The following STIM1 variants were observed in gnomAD, a reference collection of about 807,000 sequenced individuals.
STIM1 encodes the protein stromal interaction molecule 1.
In STIM1, 25 loss-of-function variants were observed where a neutral mutation model predicts 74.7. The observed-to-expected ratio is 0.33, with a 90% CI of 0.24 to 0.47. The LOEUF (loss-of-function observed/expected upper bound fraction) is 0.47, where lower values mean the gene tolerates loss of function less well. STIM1 is among the 20% of genes least tolerant of loss of function. The pLI, the probability that STIM1 is intolerant of heterozygous loss-of-function variation, is 1.00. For synonymous variants in STIM1, 328 were observed against 348.8 expected, an observed-to-expected ratio of 0.94 and a Z score of 0.66; for missense variants, 728 against 920.8, an observed-to-expected ratio of 0.79 and a Z score of 2.71.
chr11:3,863,521 G>A (rs2090724954), intron 1 of STIM1, among the ~76,000 whole-genome samples: 1 of 152,240 alleles, frequency 6.6e-6, no homozygotes, highest in East Asian at 1.9e-4. Context: ...GCTTCCCAAA[G>A]TGCTGGGATT....
At chr11:3,908,135 AG>A (rs2092498372) in intron 1 of STIM1, among the ~76,000 whole-genome samples, 1 of 152,242 alleles carries the variant, frequency 6.6e-6, no homozygotes, top group African/African-American at 2.4e-5. Flanking sequence ...CTAAATCCTC[AG>A]TGCTAGAATA....
At chr11:3,938,561 T>C (rs2092964814) in intron 1 of STIM1, among the ~76,000 whole-genome samples, 1 of 152,132 alleles carries the variant, frequency 6.6e-6, no homozygotes, top group Non-Finnish European at 1.5e-5. Flanking sequence ...AAAATGACAG[T>C]TTAAGGCTGG....
chr11:3,921,941 C>T (rs1444789860), intron 1 of STIM1: 1 of 152,186 alleles, frequency 6.6e-6, no homozygotes, highest in Non-Finnish European at 1.5e-5. Context: ...AGCAAATCCT[C>T]CAGCCCCAGT....
intron 2 of STIM1, among the ~76,000 whole-genome samples, chr11:3,984,734 G>T (rs557610982): frequency 3.3e-5 from 5 of 152,324 alleles, no homozygotes; most frequent in African/African-American, 7.2e-5. Context: ...TCCAAACCTT[G>T]CAATGTACTA....
chr11:3,902,663 A>G (rs1364946695), intron 1 of STIM1, among the ~76,000 whole-genome samples: 3 of 152,236 alleles, frequency 2.0e-5, no homozygotes, highest in South Asian at 2.1e-4. Flanking sequence ...GTTCCTAACA[A>G]GGCACGGACT....
chr11:4,068,265 A>G (rs1356179334), intron 5 of STIM1, among the ~76,000 whole-genome samples: 1 of 152,236 alleles, frequency 6.6e-6, no homozygotes, highest in Non-Finnish European at 1.5e-5. Flanking sequence ...AGGTAGAATA[A>G]GAAACCAAAT....
chr11:4,056,440 C>T (rs185588170), intron 4 of STIM1, among the ~76,000 whole-genome samples: 1 of 152,372 alleles, frequency 6.6e-6, no homozygotes, highest in East Asian at 1.9e-4. Context: ...TGCTCTGTGC[C>T]AAGCACTTGT....
chr11:3,878,962 CT>C lies in STIM1; in HGVS notation c.139+22564del, dbSNP rs1197786291. On this transcript the variant is annotated intron_variant, in intron 1 of 12. Coordinates refer to ENST00000526596, the MANE Select transcript of STIM1 (RefSeq NM_001382567.1). ...TGTTGCTTTCCTCTTCTTCATACCT[CT>C]TTTTTTTTTTGAGACGGAGTCTCGC... 6.2e-4 allele frequency among the ~76,000 whole-genome samples: 92 copies of C among 147,598 alleles called. 1 individual carries two copies. Among genetic ancestry groups the C allele is most frequent in the Admixed American group, 3.5e-3 (52 of 14,796 alleles).
intron 1 of STIM1, among the ~76,000 whole-genome samples, chr11:3,879,998 AAC>A (rs1178069548): frequency 1.2e-4 from 18 of 152,188 alleles, no homozygotes; most frequent in Non-Finnish European, 2.2e-4. Context: ...GAATGGTCAG[AAC>A]ACACTCTCAT....
chr11:4,053,763 C>T (rs767191631), intron 3 of STIM1, among the ~76,000 whole-genome samples: 20 of 151,698 alleles, frequency 1.3e-4, no homozygotes, highest in Non-Finnish European at 1.8e-4. Context: ...AAAAACCAGG[C>T]GACCAAATAG....
At chr11:3,900,708 T>C (rs536681952) in intron 1 of STIM1, among the ~76,000 whole-genome samples, 188 of 152,278 alleles carry the variant, frequency 1.2e-3, no homozygotes, top group African/African-American at 4.3e-3. Flanking sequence ...GCCTCCCAAG[T>C]ATCTGGGACT....
intron 1 of STIM1, among the ~76,000 whole-genome samples, chr11:3,932,506 CA>C (rs1472648295): frequency 2.3e-4 from 35 of 151,860 alleles, no homozygotes; most frequent in African/African-American, 8.4e-4. Flanking sequence ...ATTAAAATTA[CA>C]AAAAATCAGC....
At chr11:3,900,406 C>T (rs2092317432) in intron 1 of STIM1, among the ~76,000 whole-genome samples, 2 of 152,204 alleles carry the variant, frequency 1.3e-5, no homozygotes, top group South Asian at 4.1e-4. Context: ...CAATGCCTCG[C>T]CCTGCTTCGG....
intron 3 of STIM1, among the ~76,000 whole-genome samples, chr11:4,052,269 A>G (rs535667631): frequency 6.6e-6 from 1 of 152,258 alleles, no homozygotes; most frequent in African/African-American, 2.4e-5. Flanking sequence ...TAAAGTTCAT[A>G]TGGAACCAAA....
At chr11:4,064,109 A>G (rs1221643888) in intron 5 of STIM1, among the ~76,000 whole-genome samples, 2 of 152,208 alleles carry the variant, frequency 1.3e-5, no homozygotes, top group African/African-American at 4.8e-5. Context: ...AGAGCTGGGT[A>G]TACTCTTGGA....
chr11:3,976,519 C>T (rs367841400), intron 2 of STIM1, among the ~76,000 whole-genome samples: 7 of 152,232 alleles, frequency 4.6e-5, no homozygotes, highest in South Asian at 4.2e-4. Context: ...TGGAACTATG[C>T]GCCAAAAAGT....
chr11:3,867,626 C>G (rs2090908309), intron 1 of STIM1, among the ~76,000 whole-genome samples: 1 of 152,222 alleles, frequency 6.6e-6, no homozygotes, highest in African/African-American at 2.4e-5. Context: ...ATGCTGAGAA[C>G]TCCAGCCTGA....
intron 2 of STIM1, among the ~76,000 whole-genome samples, chr11:3,980,301 C>T (rs1418545218): frequency 6.6e-6 from 1 of 152,064 alleles, no homozygotes; most frequent in Non-Finnish European, 1.5e-5. Context: ...TTTAATTAAT[C>T]TAAACTCTGC....
intron 1 of STIM1, among the ~76,000 whole-genome samples, chr11:3,951,264 T>A (rs1388860758): frequency 1.3e-5 from 2 of 152,224 alleles, no homozygotes; most frequent in African/African-American, 4.8e-5. Flanking sequence ...AGTCAGAACC[T>A]GGTTCCTAGA....
Sources: allele counts gnomAD v4.1 joint callset (sites outside exome capture counted in the v4.1 genomes callset), GRCh38; gene constraint gnomAD v4.1.1; transcripts MANE v1.5; gene names NCBI Gene and HGNC (gene_info 2026-07-23, HGNC 2026-07-21).